NBN: variants seen among roughly 807,000 people sequenced by gnomAD.
NBN encodes Nijmegen breakage syndrome 1 (nibrin).
Under a neutral mutation model 90.8 loss-of-function variants are expected in NBN, and 88 were observed. The ratio of observed to expected loss-of-function variants is 0.97; its 90% CI spans 0.82 to 1.16. The LOEUF is 1.16. Ranked by LOEUF, NBN falls within the 50% of genes most tolerant of loss-of-function variation. NBN has a pLI of 0.00. For missense variants in NBN, 894 were observed against 869.6 expected, an observed-to-expected ratio of 1.03 and a Z score of -0.35; for synonymous variants, 328 against 295.1, an observed-to-expected ratio of 1.11 and a Z score of -1.14.
chr8:89,935,748 C>T (rs1025463172), intron 15 of NBN, 136 bp from the exon 16 acceptor site: 38 of 1,015,216 alleles, frequency 3.7e-5, no homozygotes, highest in Non-Finnish European at 4.8e-5. Flanking sequence ...GGATCAGATA[C>T]TAAGCACTGA....
intron 14 of NBN, among the ~76,000 whole-genome samples, chr8:89,939,654 T>C (rs1809851865): frequency 6.6e-6 from 1 of 152,198 alleles, no homozygotes; most frequent in Non-Finnish European, 1.5e-5. Flanking sequence ...TTAAAAGTGC[T>C]ACACAACTGG....
In NBN at chr8:89,933,802, A is replaced by AT. The variant is rs1474115049; in HGVS notation, c.*1779_*1780insA. 1 of 232,524 alleles carries AT rather than the reference A, an allele frequency of 4.3e-6. No individual in the cohort carries two copies. Among genetic ancestry groups the AT allele is most frequent in the Non-Finnish European group, 8.5e-6 (1 of 117,712 alleles). 14.4% of individuals were successfully genotyped at this position (232,524 alleles called of 1,614,324 possible). ...AAGACATAAAGAAAACAGTCAAGCCACAGACTAGGTGTAATATCTCAATAC... is the reference window on the plus strand; with the variant it reads ...AAGACATAAAGAAAACAGTCAAGCCATCAGACTAGGTGTAATATCTCAATAC... On this transcript the variant is annotated 3_prime_UTR_variant, in exon 16 of 16. Coordinates refer to ENST00000265433, the MANE Select transcript of NBN (RefSeq NM_002485.5).
chr8:89,934,869 C>T lies in NBN; in HGVS notation c.*713G>A, dbSNP rs958553709. 10 of 232,664 alleles carry T rather than the reference C, an allele frequency of 4.3e-5. No individual in the cohort carries two copies. Among genetic ancestry groups the T allele is most frequent in the African/African-American group, 2.2e-4 (10 of 45,282 alleles). 14.4% of individuals were successfully genotyped at this position (232,664 alleles called of 1,614,324 possible). A position where few individuals can be genotyped will look rare whatever the true frequency, so the allele number is the denominator to read the frequency against. ...AATAAGCTCAAAACAGACACCCACC[C>T]AGCTCAGTAAGACCACCAAAAAGGG... On this transcript the variant is annotated 3_prime_UTR_variant, in exon 16 of 16. Coordinates refer to ENST00000265433, the MANE Select transcript of NBN (RefSeq NM_002485.5).
chr8:89,960,971 A>G (rs1810966537), intron 8 of NBN, among the ~76,000 whole-genome samples: 3 of 152,156 alleles, frequency 2.0e-5, no homozygotes, highest in Admixed American at 2.0e-4. Flanking sequence ...ACCTAAACCT[A>G]CCTACGAAAA....
chr8:89,966,404 G>A (rs1415737848), intron 7 of NBN, among the ~76,000 whole-genome samples: 1 of 152,192 alleles, frequency 6.6e-6, no homozygotes, highest in East Asian at 1.9e-4. Context: ...CTTTACAGCA[G>A]TAGTGAACTA....
intron 11 of NBN, among the ~76,000 whole-genome samples, chr8:89,948,688 T>G (rs1020842449): frequency 2.6e-5 from 4 of 152,198 alleles, no homozygotes; most frequent in African/African-American, 9.6e-5. Context: ...GAAAAACAAA[T>G]GTACTTTGTG....
intron 10 of NBN, 73 bp downstream of exon 10, chr8:89,955,210 A>G (rs1019500689): frequency 8.4e-6 from 12 of 1,424,106 alleles, no homozygotes; most frequent in African/African-American, 1.4e-5. Context: ...ACTAAAGACA[A>G]TACCATTCTA....
intron 2 of NBN, chr8:89,981,784 G>T: frequency 2.0e-6 from 1 of 504,828 alleles, no homozygotes; most frequent in East Asian, 3.9e-5. Context: ...GGATTCTCCT[G>T]ACCCCTCACA....
chr8:89,959,768 AC>A (rs1810907004), intron 8 of NBN, among the ~76,000 whole-genome samples: 1 of 152,178 alleles, frequency 6.6e-6, no homozygotes, highest in South Asian at 2.1e-4. Flanking sequence ...AAAGCAATAA[AC>A]AAAATTCACT....
At position 89,981,511 on chromosome 8, in the gene NBN, C is replaced by A; in HGVS notation, c.184G>T (p.Glu62Ter). 1 of 1,613,070 alleles carries A rather than the reference C, an allele frequency of 6.2e-7. No homozygotes were observed. The highest frequency in any genetic ancestry group is 1.1e-5 in the South Asian group (1 of 91,040). The stretch of plus-strand genomic sequence containing the variant: ...TCTTTTAATGTCAATACAGGGATTT[C>A]ATCTGTTTGACTCTGAAAAGTTAGC... ...FSVTNLSQTD[E>*]IPVLTLKDNS... Residue 62 changes from glutamate (E) to a stop codon, truncating the protein, a stop_gained, in exon 3 of 16, where the codon GAA becomes TAA. Coordinates refer to ENST00000265433, the MANE Select transcript of NBN (RefSeq NM_002485.5). LOFTEE classifies it high-confidence loss of function.
rs759064242 is a variant in NBN, at chr8:89,958,871, TAGAA to T, written c.995-21_995-18del. ...TCTTTAATCCTGTAAATCACACAAG[TAGAA>T]AGAAAGAATCACAACTGCTAGATAG... On this transcript the variant is annotated intron_variant, in intron 8 of 15. Transcript: ENST00000265433. The T allele has an allele frequency of 2.5e-6, 4 of 1,612,752 alleles. No homozygotes were observed. Among genetic ancestry groups the T allele is most frequent in the African/African-American group, 2.7e-5 (2 of 74,828 alleles).
At chr8:89,970,284 G>A in intron 7 of NBN, 80 bp downstream of exon 7, 2 of 1,225,790 alleles carry the variant, frequency 1.6e-6, no homozygotes, top group Non-Finnish European at 2.4e-6. Context: ...CTTTTACATT[G>A]TTAGGTGAAA....
chr8:89,947,420 G>A (rs188785011), intron 12 of NBN, among the ~76,000 whole-genome samples: 2 of 152,026 alleles, frequency 1.3e-5, no homozygotes, highest in Admixed American at 6.6e-5. Flanking sequence ...ACCTGAGGTC[G>A]GGAGTTCCAG....
At chr8:89,984,031 T>C (rs1411533016) in intron 1 of NBN, among the ~76,000 whole-genome samples, 3 of 152,224 alleles carry the variant, frequency 2.0e-5, no homozygotes, top group Non-Finnish European at 2.9e-5. Flanking sequence ...ACTTTTCCCA[T>C]TGTTCTGATG....
chr8:89,980,438 C>T (rs1249262440), intron 4 of NBN, among the ~76,000 whole-genome samples: 1 of 151,672 alleles, frequency 6.6e-6, no homozygotes, highest in East Asian at 1.9e-4. Flanking sequence ...ACTGAAAACA[C>T]AAAGTATGCA....
intron 5 of NBN, among the ~76,000 whole-genome samples, chr8:89,972,073 G>C (rs1269363207): frequency 6.6e-6 from 1 of 152,034 alleles, no homozygotes; most frequent in Non-Finnish European, 1.5e-5. Context: ...ATGTAGGGAG[G>C]GAGAAATTCA....
Position 89,953,619 on chromosome 8 carries a change from TAA to T in NBN, c.1468_1469del (p.Leu490ArgfsTer14). On this transcript the variant is annotated frameshift_variant, in exon 11 of 16. Transcript: ENST00000265433. LOFTEE classifies it high-confidence loss of function. ...AGGGTGTAGCAGGTTGTGTTTGTTCTAAAAGAGAACAAGACGTTTCTATTCTT... is the reference window on the plus strand; with the variant it reads ...AGGGTGTAGCAGGTTGTGTTTGTTCTAAGAGAACAAGACGTTTCTATTCTT... ...SARIETSCSLLEQTQPATPSL... is the reference protein window; with the variant it reads ...SARIETSCSLXEQTQPATPSL... 1 of 1,613,434 alleles carries T rather than the reference TAA, an allele frequency of 6.2e-7. No homozygotes were observed. The highest frequency in any genetic ancestry group is 8.5e-7 in the Non-Finnish European group (1 of 1,179,640).
At chr8:89,942,183 C>T (rs182560781) in intron 14 of NBN, among the ~76,000 whole-genome samples, 1 of 152,206 alleles carries the variant, frequency 6.6e-6, no homozygotes, top group Admixed American at 6.5e-5. Flanking sequence ...AAGAAACTTG[C>T]CCATCTTCAT....
At position 89,937,059 on chromosome 8, in the gene NBN, G is replaced by C; in HGVS notation, c.2201C>G (p.Ala734Gly). Reference sequence around the variant, plus strand: ...ATCATCAGCAAGAGACTCTTCTTTTGCATGTTGATTTTGTACCTGTCAAAA... The same window carrying C: ...ATCATCAGCAAGAGACTCTTCTTTTCCATGTTGATTTTGTACCTGTCAAAA... Reference protein sequence around the residue: ...RQEMEVQNQHAKEESLADDLF... With the variant: ...RQEMEVQNQHGKEESLADDLF... Residue 734 changes from alanine to glycine, a missense_variant, in exon 15 of 16, where the codon GCA becomes GGA. Ala to Gly is a moderately conservative substitution (Grantham distance 60, BLOSUM62 0). Transcript: ENST00000265433. The C allele has an allele frequency of 6.2e-7, 1 of 1,612,512 alleles. No individual in the cohort carries two copies. Among genetic ancestry groups the C allele is most frequent in the Non-Finnish European group, 8.5e-7 (1 of 1,179,188 alleles).
Sources: allele counts gnomAD v4.1 joint callset (sites outside exome capture counted in the v4.1 genomes callset), GRCh38; gene constraint gnomAD v4.1.1; transcripts MANE v1.5; gene names NCBI Gene and HGNC (gene_info 2026-07-23, HGNC 2026-07-21).